SOBP: variants seen among roughly 807,000 people sequenced by gnomAD.
SOBP encodes the protein sine oculis binding protein homolog, also known as sine oculis-binding protein homolog.
A neutral mutation model predicts 53.6 loss-of-function variants in SOBP; 4 were observed. The ratio of observed to expected loss-of-function variants is 0.07; its 90% CI spans 0.04 to 0.17. The LOEUF (loss-of-function observed/expected upper bound fraction) is 0.17. Among genes scored for constraint, SOBP ranks in the 10% least tolerant of loss-of-function variants. The pLI, the probability that SOBP is intolerant of heterozygous loss-of-function variation, is 1.00. For synonymous variants in SOBP, 584 were observed against 522.6 expected (o/e 1.12, Z -1.60); for missense variants, 1,088 against 1,204.7 (o/e 0.90, Z 1.43).
intron 3 of SOBP, among the ~76,000 whole-genome samples, chr6:107,520,899 A>G (rs1783465939): frequency 6.6e-6 from 1 of 152,160 alleles, no homozygotes; most frequent in African/African-American, 2.4e-5. Flanking sequence ...GAGGAGCACA[A>G]GAGGTGTCCC....
At chr6:107,637,340 A>G (rs1325460860) in intron 6 of SOBP, among the ~76,000 whole-genome samples, 1 of 152,242 alleles carries the variant, frequency 6.6e-6, no homozygotes, top group African/African-American at 2.4e-5. Flanking sequence ...GAGACTTGTC[A>G]GTTGAGGAAG....
intron 4 of SOBP, among the ~76,000 whole-genome samples, chr6:107,561,527 T>TGGCTGGGCCG (rs1784771108): frequency 6.6e-6 from 1 of 152,144 alleles, no homozygotes; most frequent in Admixed American, 6.5e-5. Flanking sequence ...TGTCTGGGCT[T>TGGCTGGGCCG]GGCTGGGCCG....
At chr6:107,534,222 T>G (rs998891047) in intron 4 of SOBP, among the ~76,000 whole-genome samples, 4 of 152,338 alleles carry the variant, frequency 2.6e-5, no homozygotes, top group African/African-American at 9.6e-5. Context: ...CAGCCATCGT[T>G]AGAATTTTTT....
rs1783901886 is a variant in SOBP, at chr6:107,533,456, T to C, written c.422-3T>C. ...GAACATTTTTCTTATACTTTTATTA[T>C]AGAAGATGATGTGTCAAATGTACAA... On this transcript the variant is annotated splice_region_variant and splice_polypyrimidine_tract_variant and intron_variant, in intron 3 of 6. Transcript: ENST00000317357. The C allele has an allele frequency of 1.2e-6, 2 of 1,613,964 alleles. No homozygotes were observed. Among genetic ancestry groups the C allele is most frequent in the Non-Finnish European group, 1.7e-6 (2 of 1,179,986 alleles).
At chr6:107,511,672 A>C (rs1783173902) in intron 3 of SOBP, 1 of 152,154 alleles carries the variant, frequency 6.6e-6, no homozygotes, top group Admixed American at 6.5e-5. Flanking sequence ...AGCTGCATAC[A>C]GAATTGTGGG....
At chr6:107,583,176 C>G (rs564222339) in intron 4 of SOBP, among the ~76,000 whole-genome samples, 1 of 152,324 alleles carries the variant, frequency 6.6e-6, no homozygotes, top group South Asian at 2.1e-4. Flanking sequence ...ACATTGCCAC[C>G]AGTTCTGTGA....
In SOBP at chr6:107,490,436, G is replaced by A. The variant is rs118072835; in HGVS notation, c.-181G>A. 5,310 of 564,974 alleles carry A rather than the reference G, an allele frequency of 9.4e-3. 218 individuals are homozygous for A. The East Asian group carries it at 0.1, about 11-fold the overall frequency. The allele number at this position is 564,974 out of a possible 1,614,324, so 35.0% of individuals were successfully genotyped here. A position where few individuals can be genotyped will look rare whatever the true frequency, so the allele number is the denominator to read the frequency against. On this transcript the variant is annotated 5_prime_UTR_variant, in exon 1 of 7. It removes the in-frame stop codon of an upstream open reading frame in the 5' UTR. Coordinates refer to ENST00000317357, the MANE Select transcript of SOBP (RefSeq NM_018013.4). Reference sequence around the variant, plus strand: ...CAGCCACTGACGTCCTCCGCCGCTAGAAGAGACCCCGCTTCTCGGCGCCTG... The same window carrying A: ...CAGCCACTGACGTCCTCCGCCGCTAAAAGAGACCCCGCTTCTCGGCGCCTG...
chr6:107,604,926 A>T (rs1261079967), intron 5 of SOBP, among the ~76,000 whole-genome samples: 4 of 152,228 alleles, frequency 2.6e-5, no homozygotes, highest in Non-Finnish European at 5.9e-5. Flanking sequence ...TGAAAAATTT[A>T]AAATTAAATA....
At chr6:107,492,237 A>G (rs1041908238) in intron 1 of SOBP, among the ~76,000 whole-genome samples, 1 of 152,128 alleles carries the variant, frequency 6.6e-6, no homozygotes, top group Admixed American at 6.5e-5. Flanking sequence ...CAAACAGTCC[A>G]TAATAACCAT....
intron 3 of SOBP, among the ~76,000 whole-genome samples, chr6:107,509,248 G>A (rs1316307625): frequency 1.3e-5 from 2 of 152,066 alleles, no homozygotes; most frequent in African/African-American, 2.4e-5. Context: ...TACAAAATTA[G>A]CTGGGCATGG....
Position 107,659,743 on chromosome 6 carries a change from C to T in SOBP, c.*1540C>T, listed in dbSNP as rs1332478388. ...ACGGCCCAAGGATGCGGTGTACATA[C>T]TGTATTTCTAGATTCTCCTTTGTAC... On this transcript the variant is annotated 3_prime_UTR_variant, in exon 7 of 7. Coordinates refer to ENST00000317357, the MANE Select transcript of SOBP (RefSeq NM_018013.4). The T allele has an allele frequency of 1.3e-5, 2 of 152,686 alleles. No homozygotes were observed. The highest frequency in any genetic ancestry group is 4.8e-5 in the African/African-American group (2 of 41,460). 9.5% of individuals were successfully genotyped at this position (152,686 alleles called of 1,614,324 possible). A position where few individuals can be genotyped will look rare whatever the true frequency, so the allele number is the denominator to read the frequency against.
chr6:107,643,679 A>G (rs1771428152), intron 6 of SOBP, among the ~76,000 whole-genome samples: 1 of 152,108 alleles, frequency 6.6e-6, no homozygotes, highest in African/African-American at 2.4e-5. Flanking sequence ...TAGGCCTCCC[A>G]AAGTGCTGGG....
chr6:107,521,726 G>T (rs929606006), intron 3 of SOBP, among the ~76,000 whole-genome samples: 3 of 152,132 alleles, frequency 2.0e-5, no homozygotes, highest in African/African-American at 7.2e-5. Flanking sequence ...ACCTAAGATA[G>T]AATTATTGCC....
At chr6:107,647,320 A>C (rs1241116027) in intron 6 of SOBP, among the ~76,000 whole-genome samples, 1 of 152,188 alleles carries the variant, frequency 6.6e-6, no homozygotes, top group Non-Finnish European at 1.5e-5. Flanking sequence ...TGTGGCCAGT[A>C]AATGGCAGTG....
rs574678805 is a variant in SOBP, at chr6:107,644,259, G to A, written c.*3+8790G>A. ...ACAGAGGTTGCAGTGAGCCGAATTC[G>A]TGCCACTGCACTCCAGCCTGGGCGA... On this transcript the variant is annotated intron_variant, in intron 6 of 6. Transcript: ENST00000317357. 1.8e-4 allele frequency among the ~76,000 whole-genome samples: 28 copies of A among 152,298 alleles called. 1 individual carries two copies. In the East Asian group the frequency reaches 3.5e-3, roughly 19 times the overall value.
At chr6:107,490,818 C>T in intron 1 of SOBP, 106 bp downstream of exon 1, 1 of 842,544 alleles carries the variant, frequency 1.2e-6, no homozygotes, top group Non-Finnish European at 2.0e-6. Flanking sequence ...TTGTCAGTTT[C>T]TGTAGGATGC....
chr6:107,650,186 AG>A (rs1352472311), intron 6 of SOBP, among the ~76,000 whole-genome samples: 2 of 152,202 alleles, frequency 1.3e-5, no homozygotes, highest in Non-Finnish European at 2.9e-5. Flanking sequence ...TTTAGTACTC[AG>A]GAACCTTAGC....
intron 5 of SOBP, among the ~76,000 whole-genome samples, chr6:107,595,318 T>C (rs185032021): frequency 1.1e-4 from 16 of 150,380 alleles, no homozygotes; most frequent in African/African-American, 2.7e-4. Context: ...TCGAGTGTCT[T>C]TTTAAAAGTC....
chr6:107,533,668 T>C (rs1360330189), intron 4 of SOBP, 58 bp downstream of exon 4: 6 of 1,606,786 alleles, frequency 3.7e-6, no homozygotes, highest in Non-Finnish European at 1.7e-6. Context: ...CACACGCGCA[T>C]GTGCCTCATA....
Sources: gnomAD v4.1 joint callset for allele counts (sites outside exome capture counted in the v4.1 genomes callset) on GRCh38, gnomAD v4.1.1 for gene constraint, MANE v1.5 for transcripts, NCBI Gene and HGNC (gene_info 2026-07-23, HGNC 2026-07-21) for gene names.